TLK1: variants seen among roughly 807,000 people sequenced by gnomAD.
The protein encoded by TLK1 is serine/threonine-protein kinase tousled-like 1.
TLK1 carries 24 observed loss-of-function variants against 105.3 expected under a neutral mutation model. That is an observed-to-expected ratio of 0.23 (90% confidence interval 0.17 to 0.32). The LOEUF (loss-of-function observed/expected upper bound fraction) is 0.32, where lower values mean the gene tolerates loss of function less well. TLK1 is among the 10% of genes least tolerant of loss of function. The pLI, the probability that TLK1 is intolerant of heterozygous loss-of-function variation, is 1.00. For synonymous variants in TLK1, 321 were observed against 310.4 expected (o/e 1.03, Z -0.36); for missense variants, 558 against 910.5 (o/e 0.61, Z 4.98).
chr2:171,230,691 C>T (rs575088922), intron 1 of TLK1, among the ~76,000 whole-genome samples: 17 of 151,846 alleles, frequency 1.1e-4, no homozygotes, highest in South Asian at 6.3e-4. Context: ...GGTGTCTTGG[C>T]GTATTGACCT....
At chr2:171,166,940 G>T (rs1692619661) in intron 1 of TLK1, among the ~76,000 whole-genome samples, 1 of 152,188 alleles carries the variant, frequency 6.6e-6, no homozygotes, top group Non-Finnish European at 1.5e-5. Context: ...GCAAGTTACA[G>T]AAGAACAAAG....
intron 19 of TLK1, among the ~76,000 whole-genome samples, 164 bp from the exon 20 acceptor site, chr2:170,996,924 C>G (rs1361067566): frequency 6.6e-6 from 1 of 152,112 alleles, no homozygotes; most frequent in Admixed American, 6.5e-5. Context: ...TACAAACAAG[C>G]TATAATTGAT....
In TLK1 at chr2:171,227,568, C is replaced by CTTTTTTTT. The variant is rs71401413; in HGVS notation, c.-6+3569_-6+3576dup. Among the ~76,000 whole-genome samples the CTTTTTTTT allele has an allele frequency of 3.8e-3, 210 of 55,520 alleles. 16 individuals are homozygous for CTTTTTTTT. Among genetic ancestry groups the CTTTTTTTT allele is most frequent in the Non-Finnish European group, 5.0e-3 (151 of 30,292 alleles). 36.4% of individuals were successfully genotyped at this position (55,520 alleles called of 152,430 possible). On this transcript the variant is annotated intron_variant, in intron 1 of 20. Coordinates refer to the TLK1 transcript ENST00000521943. ...AGTTAGTCATGAGTTAGTAAATCTC[C>CTTTTTTTT]TTTTTTTTTTTTTTTTTTTTTTTTT...
chr2:171,211,291 G>C (rs1380788791), intron 1 of TLK1, among the ~76,000 whole-genome samples: 1 of 152,122 alleles, frequency 6.6e-6, no homozygotes, highest in Admixed American at 6.5e-5. Flanking sequence ...TCTATAACCG[G>C]TTTGGGTTGT....
At chr2:171,078,195 C>T (rs1688599131) in intron 3 of TLK1, among the ~76,000 whole-genome samples, 1 of 152,190 alleles carries the variant, frequency 6.6e-6, no homozygotes, top group Admixed American at 6.5e-5. Flanking sequence ...CCCTTTCCTT[C>T]TTTATGCTAA....
chr2:171,062,701 T>C (rs533989242), intron 3 of TLK1, among the ~76,000 whole-genome samples: 1 of 152,354 alleles, frequency 6.6e-6, no homozygotes, highest in South Asian at 2.1e-4. Flanking sequence ...CAGTTCTGTA[T>C]GATTCTAAGA....
rs72878942 is a variant in TLK1 at position 171,209,860 on chromosome 2, A to C, written c.-6+21285T>G. On this transcript the variant is annotated intron_variant, in intron 1 of 20. Coordinates refer to the TLK1 transcript ENST00000521943. ...CCTTGGTCTTGGACTTCTAGCCTCC[A>C]GAATTGAAAGAAAATAAATTTTTGT... Among the ~76,000 whole-genome samples the C allele has an allele frequency of 4.1e-3, 629 of 152,330 alleles. 4 individuals carry two copies. Among genetic ancestry groups the C allele is most frequent in the Non-Finnish European group, 5.5e-3 (371 of 68,042 alleles).
chr2:171,112,652 G>C (rs1690230995), intron 2 of TLK1, among the ~76,000 whole-genome samples: 1 of 152,080 alleles, frequency 6.6e-6, no homozygotes, highest in Non-Finnish European at 1.5e-5. Context: ...ATTTTTGGAA[G>C]ATAATTATTT....
rs528369925 is a variant in TLK1, at chr2:171,171,343, G to T, written c.-5-53486C>A. 2.6e-5 allele frequency among the ~76,000 whole-genome samples: 4 copies of T among 151,970 alleles called. No individual in the cohort carries two copies. In the South Asian group the frequency reaches 8.3e-4, roughly 32 times the overall value. Reference sequence around the variant, plus strand: ...CACTTCAGCCTGGATGACACAGTGAGACCCTGTCTGGAAAAAAAAAAGAAA... The same window carrying T: ...CACTTCAGCCTGGATGACACAGTGATACCCTGTCTGGAAAAAAAAAAGAAA... On this transcript the variant is annotated intron_variant, in intron 1 of 20. Coordinates refer to the TLK1 transcript ENST00000521943.
intron 1 of TLK1, among the ~76,000 whole-genome samples, chr2:171,216,810 G>A (rs1306854915): frequency 6.6e-6 from 1 of 152,180 alleles, no homozygotes; most frequent in Non-Finnish European, 1.5e-5. Flanking sequence ...TAACAACAAA[G>A]GCAGAGATTG....
At chr2:171,213,488 C>A (rs1693657474) in intron 1 of TLK1, among the ~76,000 whole-genome samples, 1 of 151,814 alleles carries the variant, frequency 6.6e-6, no homozygotes, top group South Asian at 2.1e-4. Flanking sequence ...CAGCTATGAG[C>A]CACCATGCCA....
At chr2:171,191,884 C>A (rs1575653066) in intron 1 of TLK1, among the ~76,000 whole-genome samples, 1 of 152,054 alleles carries the variant, frequency 6.6e-6, no homozygotes, top group East Asian at 1.9e-4. Context: ...GGAGATGCTA[C>A]TATGCATCTC....
At chr2:171,078,504 C>CT (rs1314696994) in intron 3 of TLK1, among the ~76,000 whole-genome samples, 1 of 151,896 alleles carries the variant, frequency 6.6e-6, no homozygotes, top group Non-Finnish European at 1.5e-5. Flanking sequence ...CGCCACTGCA[C>CT]TCCAGCCTGG....
At chr2:171,064,742 G>C (rs912742611) in intron 3 of TLK1, among the ~76,000 whole-genome samples, 2 of 152,146 alleles carry the variant, frequency 1.3e-5, no homozygotes, top group African/African-American at 4.8e-5. Context: ...AGAAAGGAGA[G>C]ACTAGTACAC....
intron 1 of TLK1, among the ~76,000 whole-genome samples, chr2:171,122,216 A>G (rs776393280): frequency 6.6e-6 from 1 of 152,106 alleles, no homozygotes; most frequent in Non-Finnish European, 1.5e-5. Flanking sequence ...TACACACCTC[A>G]GCCTCCCAAA....
chr2:171,083,442 AAG>A (rs1260121149), intron 2 of TLK1, among the ~76,000 whole-genome samples: 1 of 152,214 alleles, frequency 6.6e-6, no homozygotes, highest in Non-Finnish European at 1.5e-5. Context: ...GTAACAAAGA[AAG>A]AGCTAACATT....
At chr2:171,070,648 TACC>T (rs59995132) in intron 3 of TLK1, among the ~76,000 whole-genome samples, 4,057 of 152,312 alleles carry the variant, frequency 0.027, 150 homozygotes, top group African/African-American at 0.084. Flanking sequence ...TGTGCGTATG[TACC>T]ACATTTTCTT....
intron 11 of TLK1, among the ~76,000 whole-genome samples, chr2:171,034,688 C>T (rs1686233707): frequency 1.3e-5 from 2 of 152,048 alleles, no homozygotes. Flanking sequence ...TGTGAATGGA[C>T]TAAAAGCCAC....
rs148572249 is a variant in TLK1, at chr2:171,213,153, C to G, written c.-6+17992G>C. ...AATGGGTGAATTCCAAGTCTGGCTCCGCTAGACTACAGGGCTCTATATCAG... is the reference window on the plus strand; with the variant it reads ...AATGGGTGAATTCCAAGTCTGGCTCGGCTAGACTACAGGGCTCTATATCAG... On this transcript the variant is annotated intron_variant, in intron 1 of 20. Coordinates refer to the TLK1 transcript ENST00000521943. Among the ~76,000 whole-genome samples the G allele has an allele frequency of 6.6e-5, 10 of 151,820 alleles. No individual in the cohort carries two copies. The East Asian group carries it at 1.7e-3, about 26-fold the overall frequency.
Sources: allele counts gnomAD v4.1 joint callset (sites outside exome capture counted in the v4.1 genomes callset), GRCh38; gene constraint gnomAD v4.1.1; transcripts MANE v1.5; gene names NCBI Gene and HGNC (gene_info 2026-07-23, HGNC 2026-07-21).